Variants in MAP3K13 observed in about 807,000 individuals in gnomAD.
The protein encoded by MAP3K13 is mitogen-activated protein kinase kinase kinase 13, also known as leucine zipper-bearing kinase.
Under a neutral mutation model 104.0 loss-of-function variants are expected in MAP3K13, and 52 were observed. The ratio of observed to expected loss-of-function variants is 0.50; its 90% CI spans 0.40 to 0.63. The LOEUF (loss-of-function observed/expected upper bound fraction) is 0.63, where lower values mean the gene tolerates loss of function less well. Ranked by LOEUF, MAP3K13 falls within the 20% of genes least tolerant of loss-of-function variation. The pLI is 0.00. For synonymous variants in MAP3K13, 394 were observed against 442.2 expected (o/e 0.89, Z 1.37); for missense variants, 914 against 1,218.5 (o/e 0.75, Z 3.72).
At chr3:185,439,381 A>C (rs1715208231) in intron 3 of MAP3K13, among the ~76,000 whole-genome samples, 1 of 152,062 alleles carries the variant, frequency 6.6e-6, no homozygotes, top group Non-Finnish European at 1.5e-5. Flanking sequence ...CTTTCCAAAG[A>C]GGATAAATTT....
intron 2 of MAP3K13, among the ~76,000 whole-genome samples, chr3:185,339,592 C>T (rs1722642723): frequency 6.6e-6 from 1 of 152,294 alleles, no homozygotes; most frequent in Non-Finnish European, 1.5e-5. Context: ...AAATTTTTTT[C>T]TATAAAGGGC....
chr3:185,332,224 ACT>A (rs1428075582), intron 2 of MAP3K13, among the ~76,000 whole-genome samples: 1 of 57,164 alleles, frequency 1.7e-5, no homozygotes, highest in Non-Finnish European at 4.8e-5. Flanking sequence ...ACCAATGTGT[ACT>A]CCCCCCCCCC....
At chr3:185,324,137 A>C (rs1229988772) in intron 2 of MAP3K13, among the ~76,000 whole-genome samples, 1 of 152,086 alleles carries the variant, frequency 6.6e-6, no homozygotes, top group East Asian at 1.9e-4. Flanking sequence ...CAGCTTCCAG[A>C]GTAGCTGGGA....
intron 4 of MAP3K13, among the ~76,000 whole-genome samples, chr3:185,445,711 C>T (rs1715554514): frequency 6.6e-6 from 1 of 152,200 alleles, no homozygotes; most frequent in African/African-American, 2.4e-5. Flanking sequence ...AGAGATCAAT[C>T]TGACTTGCTG....
intron 2 of MAP3K13, among the ~76,000 whole-genome samples, chr3:185,301,820 T>C (rs904345690): frequency 2.0e-5 from 3 of 152,218 alleles, no homozygotes; most frequent in Non-Finnish European, 4.4e-5. Context: ...TCTGTTCCAT[T>C]GGACAATATG....
chr3:185,375,966 C>T (rs191799736), intron 1 of MAP3K13, among the ~76,000 whole-genome samples: 82 of 152,258 alleles, frequency 5.4e-4, no homozygotes, highest in African/African-American at 2.0e-3. Context: ...GTCAGTTTGG[C>T]TTGCTGAGAG....
chr3:185,311,438 C>T (rs1721492484), intron 2 of MAP3K13, among the ~76,000 whole-genome samples: 1 of 152,148 alleles, frequency 6.6e-6, no homozygotes, highest in Non-Finnish European at 1.5e-5. Flanking sequence ...ATTACCTCCC[C>T]CTGGGTCCCT....
intron 11 of MAP3K13, among the ~76,000 whole-genome samples, chr3:185,475,093 CAAAAAAAA>C (rs972600527): frequency 4.8e-5 from 2 of 41,850 alleles, no homozygotes; most frequent in African/African-American, 1.6e-4. Flanking sequence ...GACCCCATCT[CAAAAAAAA>C]AAAAAAAAAA....
intron 1 of MAP3K13, among the ~76,000 whole-genome samples, chr3:185,372,114 T>C (rs1243552663): frequency 6.6e-6 from 1 of 152,214 alleles, no homozygotes; most frequent in Non-Finnish European, 1.5e-5. Flanking sequence ...ATTTAGATAC[T>C]ATGCACACTA....
At chr3:185,395,298 T>C (rs999952965) in intron 1 of MAP3K13, among the ~76,000 whole-genome samples, 7 of 151,372 alleles carry the variant, frequency 4.6e-5, no homozygotes, top group African/African-American at 1.7e-4. Context: ...AGGTTTGTTT[T>C]GTTTGGTCCC....
chr3:185,433,719 C>T (rs542586834), intron 2 of MAP3K13, among the ~76,000 whole-genome samples: 67 of 152,214 alleles, frequency 4.4e-4, no homozygotes, highest in Non-Finnish European at 9.1e-4. Context: ...CAAGACTTGG[C>T]TGAACATAGT....
intron 1 of MAP3K13, among the ~76,000 whole-genome samples, chr3:185,398,036 C>T (rs937065338): frequency 1.1e-4 from 17 of 152,032 alleles, no homozygotes; most frequent in Non-Finnish European, 2.2e-4. Context: ...GTGGGGAGAG[C>T]TGGTGGCAAG....
chr3:185,395,738 G>A (rs1263483146), intron 1 of MAP3K13, among the ~76,000 whole-genome samples: 2 of 151,688 alleles, frequency 1.3e-5, no homozygotes, highest in Non-Finnish European at 2.9e-5. Flanking sequence ...AGGCTGGAGT[G>A]CAGTGGTGCA....
At chr3:185,368,866 G>A (rs1239203628) in intron 1 of MAP3K13, among the ~76,000 whole-genome samples, 2 of 150,782 alleles carry the variant, frequency 1.3e-5, no homozygotes, top group East Asian at 2.0e-4. Flanking sequence ...GGCTGAGGCA[G>A]AAGAATCACT....
chr3:185,486,868 C>G lies in MAP3K13; in HGVS notation c.*4412C>G, dbSNP rs1009039197. The G allele has an allele frequency of 2.0e-5, 3 of 152,186 alleles. No individual in the cohort carries two copies. Among genetic ancestry groups the G allele is most frequent in the African/African-American group, 7.2e-5 (3 of 41,460 alleles). 9.4% of individuals were successfully genotyped at this position (152,186 alleles called of 1,614,324 possible). On this transcript the variant is annotated 3_prime_UTR_variant, in exon 14 of 14. Transcript: ENST00000265026. ...TACTTTGAAATTATAATGGACCTTA[C>G]CACCACTTAAGTTTAGACCTGTTTG...
intron 2 of MAP3K13, among the ~76,000 whole-genome samples, chr3:185,300,836 C>T (rs1029274298): frequency 6.6e-6 from 1 of 152,092 alleles, no homozygotes; most frequent in Non-Finnish European, 1.5e-5. Context: ...TGTGAATATA[C>T]CAAATTTTCT....
chr3:185,332,119 C>T (rs1447837806), intron 2 of MAP3K13, among the ~76,000 whole-genome samples: 1 of 152,118 alleles, frequency 6.6e-6, no homozygotes, highest in Non-Finnish European at 1.5e-5. Context: ...TTTATACATG[C>T]ATACAGTATA....
chr3:185,469,962 T>C (rs1717682224), intron 10 of MAP3K13, among the ~76,000 whole-genome samples: 2 of 152,312 alleles, frequency 1.3e-5, no homozygotes, highest in South Asian at 4.1e-4. Flanking sequence ...AAGACAGGAC[T>C]GTACCTGTGG....
In MAP3K13 at chr3:185,450,154, G is replaced by A. The variant is rs1451872954; in HGVS notation, c.1169+96G>A. ...AAAGAATAGGAGCTTTGGAGTAGGA[G>A]AATCTTGGGTTCAAATACTAGCTCT... On this transcript the variant is annotated intron_variant, in intron 6 of 13. Transcript: ENST00000265026. This position sits in a 1 kb window ranked among gnomAD's most constrained non-coding sequence, Gnocchi z 4.2. 1.7e-5 allele frequency: 20 copies of A among 1,200,922 alleles called. No homozygotes were observed. The highest frequency in any genetic ancestry group is 1.3e-5 in the Non-Finnish European group (12 of 892,328). The allele number at this position is 1,200,922 out of a possible 1,614,324, so 74.4% of individuals were successfully genotyped here.
Sources: allele counts gnomAD v4.1 joint callset (sites outside exome capture counted in the v4.1 genomes callset), GRCh38; gene constraint gnomAD v4.1.1; non-coding constraint Gnocchi (gnomAD v3.1); transcripts MANE v1.5; gene names NCBI Gene and HGNC (gene_info 2026-07-23, HGNC 2026-07-21).